The following GRIP1 variants were observed in gnomAD, a reference collection of about 807,000 sequenced individuals.
The protein encoded by GRIP1 is glutamate receptor-interacting protein 1.
A neutral mutation model predicts 129.9 loss-of-function variants in GRIP1; 45 were observed. The ratio of observed to expected loss-of-function variants is 0.35; its 90% CI spans 0.27 to 0.44. The LOEUF is 0.44. Ranked by LOEUF, GRIP1 falls within the 20% of genes least tolerant of loss-of-function variation. The probability of loss-of-function intolerance (pLI) is 1.00; values close to 1 mark genes in which losing one functional copy is unlikely to be tolerated. For missense variants in GRIP1, 1,196 were observed against 1,396.8 expected, an observed-to-expected ratio of 0.86 and a Z score of 2.29; for synonymous variants, 530 against 520.8, an observed-to-expected ratio of 1.02 and a Z score of -0.24.
At chr12:66,379,259 A>T (rs2137378739) in intron 20 of GRIP1, 21 bp downstream of exon 20, 1 of 1,611,162 alleles carries the variant, frequency 6.2e-7, no homozygotes. Context: ...TGGATGAGGC[A>T]GCATTGGTTG....
intron 1 of GRIP1, among the ~76,000 whole-genome samples, chr12:66,849,067 G>T (rs2039866766): frequency 1.3e-5 from 2 of 152,094 alleles, no homozygotes; most frequent in South Asian, 4.1e-4. Flanking sequence ...GCACAGTTCT[G>T]TCACTTTTCT....
In GRIP1 at chr12:66,377,275, C is replaced by T. The variant is rs1592721673; in HGVS notation, c.2632G>A (p.Ala878Thr). 5 of 1,609,828 alleles carry T rather than the reference C, an allele frequency of 3.1e-6. No homozygotes were observed. In the East Asian group the frequency reaches 6.7e-5, roughly 22 times the overall value. ...DRSTASGFAG[A>T]ADSAETEQEE... ...TGTTCTGTCTCTGCACTATCGGCAG[C>T]CCCTGCAAAACTGTTGTCAAGAAAC... Residue 878 changes from alanine to threonine, a missense_variant, in exon 21 of 25, where the codon GCT becomes ACT. By Grantham distance (58) the Ala-to-Thr change is moderately conservative. Around this residue, in one of 5 missense-constraint regions of GRIP1, gnomAD observed 427 missense variants for 463.3 expected, o/e 0.92. Transcript: ENST00000359742.
intron 14 of GRIP1, 43 bp from the exon 15 acceptor site, chr12:66,420,832 A>G (rs750244939): frequency 9.6e-7 from 1 of 1,040,238 alleles, no homozygotes; most frequent in Non-Finnish European, 1.5e-6. Context: ...TATATCCATT[A>G]TTCACCCCTT....
At chr12:66,895,911 T>A (rs1161924626) in intron 1 of GRIP1, among the ~76,000 whole-genome samples, 1 of 152,228 alleles carries the variant, frequency 6.6e-6, no homozygotes, top group African/African-American at 2.4e-5. Context: ...CTATGGCCAC[T>A]TCTTATATCA....
At position 66,360,179 on chromosome 12, in the gene GRIP1, A is replaced by ATT. The variant is rs762881398; in HGVS notation, c.3013-6618_3013-6617dup. The stretch of plus-strand genomic sequence containing the variant: ...GCTGTGTTCTTTCCACCAAATCATG[A>ATT]TTTTTTTTTTTTTCGACATGTAATC... On this transcript the variant is annotated intron_variant, in intron 23 of 24. Transcript: ENST00000359742. 6.2e-4 allele frequency among the ~76,000 whole-genome samples: 75 copies of ATT among 120,126 alleles called. 1 individual carries two copies. Among genetic ancestry groups the ATT allele is most frequent in the African/African-American group, 2.0e-3 (65 of 32,372 alleles). The allele number at this position is 120,126 out of a possible 152,430, so 78.8% of individuals were successfully genotyped here.
intron 1 of GRIP1, among the ~76,000 whole-genome samples, chr12:66,947,922 A>G (rs1244673326): frequency 6.6e-6 from 1 of 152,188 alleles, no homozygotes; most frequent in Non-Finnish European, 1.5e-5. Flanking sequence ...TTGCTCCTGC[A>G]CTATCTTTTT....
intron 19 of GRIP1, among the ~76,000 whole-genome samples, chr12:66,389,319 C>G (rs2056486946): frequency 6.6e-6 from 1 of 152,164 alleles, no homozygotes; most frequent in Non-Finnish European, 1.5e-5. Flanking sequence ...ATCTCCGCCT[C>G]CTGGTTCAAG....
chr12:66,766,032 C>T (rs577937259), intron 1 of GRIP1, among the ~76,000 whole-genome samples: 3 of 152,288 alleles, frequency 2.0e-5, no homozygotes, highest in African/African-American at 7.2e-5. Context: ...CCATCCTCCT[C>T]CAGGACTCAC....
chr12:66,519,028 T>C (rs1461222027), intron 5 of GRIP1, among the ~76,000 whole-genome samples: 1 of 152,364 alleles, frequency 6.6e-6, no homozygotes, highest in Middle Eastern at 3.4e-3. Context: ...CAATATCTGA[T>C]AAATATAAAC....
chr12:66,638,819 T>C (rs1330682491), intron 1 of GRIP1, among the ~76,000 whole-genome samples: 1 of 152,148 alleles, frequency 6.6e-6, no homozygotes, highest in Non-Finnish European at 1.5e-5. Flanking sequence ...ACAAAGTGCA[T>C]ATGATATAGT....
At chr12:66,760,556 T>C (rs1818848757) in intron 1 of GRIP1, among the ~76,000 whole-genome samples, 1 of 152,146 alleles carries the variant, frequency 6.6e-6, no homozygotes, top group African/African-American at 2.4e-5. Context: ...ACTTATTCAC[T>C]GTCATGAGAA....
At chr12:66,714,920 C>CAATCCA (rs111521755) in intron 1 of GRIP1, among the ~76,000 whole-genome samples, 3 of 66,090 alleles carry the variant, frequency 4.5e-5, no homozygotes, top group African/African-American at 1.7e-4. Flanking sequence ...TCCATCCATC[C>CAATCCA]ATCCAATCCA....
upstream of GRIP1, among the ~76,000 whole-genome samples, chr12:66,808,128 T>C (rs1166083474): frequency 6.6e-6 from 1 of 151,998 alleles, no homozygotes; most frequent in African/African-American, 2.4e-5. Context: ...TTTCACTCCA[T>C]ACCACAAACT....
chr12:66,639,404 T>C (rs1376832212), intron 1 of GRIP1, among the ~76,000 whole-genome samples: 1 of 152,072 alleles, frequency 6.6e-6, no homozygotes, highest in Non-Finnish European at 1.5e-5. Flanking sequence ...AAAGAGGGAA[T>C]GGCATTTGTG....
At chr12:66,534,189 CACA>C (rs1212700401) in intron 4 of GRIP1, among the ~76,000 whole-genome samples, 1 of 152,188 alleles carries the variant, frequency 6.6e-6, no homozygotes, top group Non-Finnish European at 1.5e-5. Context: ...TGATTTCCGT[CACA>C]ACAATTCACA....
intron 1 of GRIP1, among the ~76,000 whole-genome samples, chr12:66,925,721 T>C (rs927785276): frequency 6.6e-6 from 1 of 152,188 alleles, no homozygotes; most frequent in Non-Finnish European, 1.5e-5. Flanking sequence ...CTTGGCTCAC[T>C]GCAACCTCCA....
intron 1 of GRIP1, among the ~76,000 whole-genome samples, chr12:66,934,284 C>T (rs1221563455): frequency 6.6e-6 from 1 of 152,146 alleles, no homozygotes; most frequent in African/African-American, 2.4e-5. Context: ...TTCATTATGC[C>T]CTTGCCCGGA....
chr12:66,447,115 C>T (rs1036526430), intron 11 of GRIP1, among the ~76,000 whole-genome samples: 9 of 152,192 alleles, frequency 5.9e-5, no homozygotes, highest in African/African-American at 2.2e-4. Context: ...TTTCCCTGGC[C>T]TCATGTGGGG....
At position 67,042,451 on chromosome 12, in the gene GRIP1, A is replaced by G. The variant is rs528587765; in HGVS notation, c.58+26599T>C. Among the ~76,000 whole-genome samples, 6 of 152,232 alleles carry G rather than the reference A, an allele frequency of 3.9e-5. No homozygotes were observed. The East Asian group carries it at 1.2e-3, about 29-fold the overall frequency. ...CACAATCTCTTTTCAAATTTTTTTC[A>G]GCAGAAGGTCAAAGGATATCCACAA... On this transcript the variant is annotated intron_variant, in intron 1 of 1. Transcript: ENST00000643019.
Sources: allele counts gnomAD v4.1 joint callset (sites outside exome capture counted in the v4.1 genomes callset), GRCh38; gene constraint gnomAD v4.1.1; regional missense constraint gnomAD v4.1.1; transcripts MANE v1.5; gene names NCBI Gene and HGNC (gene_info 2026-07-23, HGNC 2026-07-21).